Variants in C1orf198 observed in about 807,000 individuals in gnomAD.
C1orf198 encodes uncharacterized protein C1orf198.
C1orf198 carries 17 observed loss-of-function variants against 31.4 expected under a neutral mutation model. That is an observed-to-expected ratio of 0.54 (90% confidence interval 0.37 to 0.81). The LOEUF (loss-of-function observed/expected upper bound fraction) is 0.81, where lower values mean the gene tolerates loss of function less well. Among genes scored for constraint, C1orf198 ranks in the 40% least tolerant of loss-of-function variants. The probability of loss-of-function intolerance (pLI) is 0.00; values close to 1 mark genes in which losing one functional copy is unlikely to be tolerated. For synonymous variants in C1orf198, 175 were observed against 193.8 expected, an observed-to-expected ratio of 0.90 and a Z score of 0.81; for missense variants, 401 against 450.3, an observed-to-expected ratio of 0.89 and a Z score of 0.99.
Position 230,868,301 on chromosome 1 carries a change from T to A in C1orf198, c.212A>T (p.Asp71Val). 1 of 1,597,992 alleles carries A rather than the reference T, an allele frequency of 6.3e-7. No individual in the cohort carries two copies. The highest frequency in any genetic ancestry group is 8.5e-7 in the Non-Finnish European group (1 of 1,173,252). Residue 71 changes from aspartate to valine, a missense_variant, in exon 1 of 4, where the codon GAC becomes GTC. Physicochemically the swap from Asp to Val is radical, Grantham distance 152. Transcript: ENST00000366663. ...GGCGCGCGGCCCCACCAGGCACCGG[T>A]CGATGATCTCGTCCTGCTGCGCGGG... ...LPPAQQDEII[D>V]RCLVGPRAPA...
rs1669405541 is a variant in C1orf198 at position 230,840,242 on chromosome 1, A to T, written c.928-334T>A. Among the ~76,000 whole-genome samples the T allele has an allele frequency of 6.6e-6, 1 of 152,246 alleles. No homozygotes were observed. Among genetic ancestry groups the T allele is most frequent in the South Asian group, 2.1e-4 (1 of 4,834 alleles). On this transcript the variant is annotated intron_variant, in intron 3 of 3. Coordinates refer to ENST00000366663, the MANE Select transcript of C1orf198 (RefSeq NM_032800.3). This position sits in a 1 kb window ranked among gnomAD's most constrained non-coding sequence, Gnocchi z 4.0. ...ATGACAGCCATGTTTAAATTTATTC[A>T]TCCTAAATAAGAGAACAAATGATAA...
Position 230,855,571 on chromosome 1 carries a change from G to C in C1orf198, c.384+97C>G, listed in dbSNP as rs1012695138. On this transcript the variant is annotated intron_variant, in intron 2 of 3. Transcript: ENST00000366663. ...CATCCCCTGCAGCCTGGCAGTCAGG[G>C]GGCTGTCTTCTGAGTCCATCAAATG... The C allele has an allele frequency of 8.7e-5, 116 of 1,334,020 alleles. No homozygotes were observed. The Admixed American group carries it at 2.3e-3, about 27-fold the overall frequency. 82.6% of individuals were successfully genotyped at this position (1,334,020 alleles called of 1,614,324 possible). A position where few individuals can be genotyped will look rare whatever the true frequency, so the allele number is the denominator to read the frequency against.
At chr1:230,849,444 G>A (rs552043045) in intron 2 of C1orf198, among the ~76,000 whole-genome samples, 5 of 152,286 alleles carry the variant, frequency 3.3e-5, no homozygotes, top group South Asian at 2.1e-4. Context: ...CAAGGAAGCC[G>A]TCCCTCCTGA....
At chr1:230,849,866 T>A (rs368826155) in intron 2 of C1orf198, among the ~76,000 whole-genome samples, 1 of 152,216 alleles carries the variant, frequency 6.6e-6, no homozygotes, top group African/African-American at 2.4e-5. Flanking sequence ...AGGAGGAAGA[T>A]GAGCAGGAGG....
rs572862115 is a variant in C1orf198 at position 230,850,896 on chromosome 1, G to A, written c.384+4772C>T. 1.1e-3 allele frequency among the ~76,000 whole-genome samples: 166 copies of A among 152,250 alleles called. 1 individual carries two copies. The highest frequency in any genetic ancestry group is 7.5e-3 in the South Asian group (36 of 4,816). On this transcript the variant is annotated intron_variant, in intron 2 of 3. Coordinates refer to ENST00000366663, the MANE Select transcript of C1orf198 (RefSeq NM_032800.3). ...CAGCCCTTCTGTCCCACCATGGGCA[G>A]CAAAGCCCCGAAAGTCACAGATAGA... is the stretch of plus-strand genomic sequence containing the variant.
chr1:230,869,247 G>T (rs1670203758), upstream of C1orf198: 1 of 152,264 alleles, frequency 6.6e-6, no homozygotes, highest in Non-Finnish European at 1.5e-5. Flanking sequence ...GTACCCGGTG[G>T]CCCAGGTGCC....
chr1:230,853,771 G>C (rs1196236766), intron 2 of C1orf198, among the ~76,000 whole-genome samples: 3 of 152,224 alleles, frequency 2.0e-5, no homozygotes, highest in Admixed American at 6.5e-5. Flanking sequence ...ATATTAACCA[G>C]ATTTTAGCAA....
intron 1 of C1orf198, among the ~76,000 whole-genome samples, chr1:230,856,775 G>A (rs951640654): frequency 2.0e-5 from 3 of 152,088 alleles, no homozygotes; most frequent in South Asian, 2.1e-4. Flanking sequence ...TATTTTAAAC[G>A]GAGATCATAT....
intron 1 of C1orf198, among the ~76,000 whole-genome samples, chr1:230,866,068 TAC>T (rs1670113308): frequency 6.6e-6 from 1 of 152,096 alleles, no homozygotes; most frequent in Non-Finnish European, 1.5e-5. Context: ...TATTTGGGGG[TAC>T]CTCTGTTCAG....
intron 1 of C1orf198, among the ~76,000 whole-genome samples, chr1:230,862,423 A>G (rs1670023797): frequency 6.6e-6 from 1 of 152,200 alleles, no homozygotes; most frequent in Non-Finnish European, 1.5e-5. Flanking sequence ...AAACCTACAC[A>G]CAGATGTTTT....
chr1:230,841,518 C>T (rs952467853), intron 3 of C1orf198, among the ~76,000 whole-genome samples: 2 of 152,132 alleles, frequency 1.3e-5, no homozygotes, highest in African/African-American at 4.8e-5. Flanking sequence ...CACAGATGGC[C>T]AATAAGCACA....
chr1:230,863,383 A>T (rs533863541), intron 1 of C1orf198, among the ~76,000 whole-genome samples: 20 of 152,310 alleles, frequency 1.3e-4, no homozygotes, highest in Middle Eastern at 3.4e-3. Context: ...AATAGGTCTC[A>T]TCTTCCTTCA....
Position 230,843,327 on chromosome 1 carries a change from G to A in C1orf198, c.927+27C>T. The A allele has an allele frequency of 6.5e-7, 1 of 1,550,094 alleles. No individual in the cohort carries two copies. Among genetic ancestry groups the A allele is most frequent in the Non-Finnish European group, 8.7e-7 (1 of 1,146,118 alleles). On this transcript the variant is annotated intron_variant, in intron 3 of 3. Transcript: ENST00000366663. This position sits in a 1 kb window ranked among gnomAD's most constrained non-coding sequence, Gnocchi z 4.9. Reference sequence around the variant, plus strand: ...CGTGGAATAAGGCACCATCCCATCTGAGGACGCGCTGGTAAAGGCCACTCA... The same window carrying A: ...CGTGGAATAAGGCACCATCCCATCTAAGGACGCGCTGGTAAAGGCCACTCA...
At chr1:230,866,999 A>G (rs900103421) in intron 1 of C1orf198, among the ~76,000 whole-genome samples, 2 of 152,196 alleles carry the variant, frequency 1.3e-5, no homozygotes, top group African/African-American at 4.8e-5. Context: ...GTTTATGACC[A>G]TGAACACTTC....
chr1:230,841,188 G>A (rs1669430938), intron 3 of C1orf198, among the ~76,000 whole-genome samples: 1 of 152,212 alleles, frequency 6.6e-6, no homozygotes, highest in East Asian at 1.9e-4. Flanking sequence ...ACAGAAAACA[G>A]AACGGAGAGA....
intron 2 of C1orf198, among the ~76,000 whole-genome samples, chr1:230,848,098 A>T (rs951165661): frequency 6.6e-6 from 1 of 152,042 alleles, no homozygotes; most frequent in African/African-American, 2.4e-5. Context: ...GACAGAGGTC[A>T]CTCCCAGCCC....
At chr1:230,855,049 G>A (rs528966002) in intron 2 of C1orf198, among the ~76,000 whole-genome samples, 66 of 152,228 alleles carry the variant, frequency 4.3e-4, no homozygotes, top group African/African-American at 1.6e-3. Context: ...TTGGGTTAAA[G>A]ACACCTGTCT....
In C1orf198 at chr1:230,843,391, C is replaced by G. The variant is rs1669498995; in HGVS notation, c.890G>C (p.Gly297Ala). 6.4e-7 allele frequency: 1 copy of G among 1,562,326 alleles called. No individual in the cohort carries two copies. The stretch of plus-strand genomic sequence containing the variant: ...GGGTTCCGAGAACAGGGTGTCTTCC[C>G]CATCGTCCTGCCTGACATCAGGAGA... ...LPSPDVRQDD[G>A]EDTLFSEPKF... The change falls in exon 3 of 4, where the codon GGG becomes GCG. Residue 297 changes from glycine to alanine, a missense_variant. Coordinates refer to ENST00000366663, the MANE Select transcript of C1orf198 (RefSeq NM_032800.3). The surrounding 1 kb of genome is among the most constrained non-coding windows in gnomAD (Gnocchi z 4.9).
In C1orf198 at chr1:230,854,075, G is replaced by C. The variant is rs1441322589; in HGVS notation, c.384+1593C>G. Among the ~76,000 whole-genome samples, 3 of 152,210 alleles carry C rather than the reference G, an allele frequency of 2.0e-5. No homozygotes were observed. The East Asian group carries it at 5.8e-4, about 29-fold the overall frequency. On this transcript the variant is annotated intron_variant, in intron 2 of 3. Coordinates refer to ENST00000366663, the MANE Select transcript of C1orf198 (RefSeq NM_032800.3). Reference sequence around the variant, plus strand: ...AACATTTAACAAGCTAAATTCTTAAGAGAACAGATGTTCTCGTGGGGAACA... The same window carrying C: ...AACATTTAACAAGCTAAATTCTTAACAGAACAGATGTTCTCGTGGGGAACA...
Sources: gnomAD v4.1 joint callset for allele counts (sites outside exome capture counted in the v4.1 genomes callset) on GRCh38, gnomAD v4.1.1 for gene constraint, Gnocchi (gnomAD v3.1) non-coding constraint, MANE v1.5 for transcripts, NCBI Gene and HGNC (gene_info 2026-07-23, HGNC 2026-07-21) for gene names.